CHD5: variants seen among roughly 807,000 people sequenced by gnomAD.
The protein encoded by CHD5 is chromodomain helicase DNA binding protein 5.
CHD5 carries 69 observed loss-of-function variants against 230.3 expected under a neutral mutation model. The ratio of observed to expected loss-of-function variants is 0.30; its 90% confidence interval spans 0.25 to 0.37. The LOEUF (loss-of-function observed/expected upper bound fraction) is 0.37, where lower values mean the gene tolerates loss of function less well. Among genes scored for constraint, CHD5 ranks in the 10% least tolerant of loss-of-function variants. CHD5 has a pLI of 1.00. For synonymous variants in CHD5, 1,064 were observed against 1,065.9 expected (o/e 1.00, Z 0.03); for missense variants, 1,827 against 2,622.8 (o/e 0.70, Z 6.63).
Position 6,159,406 on chromosome 1 carries a change from T to C in CHD5, c.317A>G (p.Lys106Arg). Residue 106 changes from lysine to arginine, a missense_variant, in exon 3 of 42, where the codon AAG (lysine) becomes AGG (arginine). Coordinates refer to ENST00000262450, the MANE Select transcript of CHD5 (RefSeq NM_015557.3). ...NKKKKKKLKDKKEKKAKRKKK... is the reference protein window; with the variant it reads ...NKKKKKKLKDRKEKKAKRKKK... ...TTTTCGCTTGGCTTTTTTCTCCTTC[T>C]TGTCCTTGAGTTTCTTCTTCTTCTT... 6.4e-7 allele frequency: 1 copy of C among 1,556,522 alleles called. No individual in the cohort carries two copies. The highest frequency in any genetic ancestry group is 8.7e-7 in the Non-Finnish European group (1 of 1,148,494).
chr1:6,127,697 C>T (rs1666582686), intron 25 of CHD5, among the ~76,000 whole-genome samples: 1 of 152,154 alleles, frequency 6.6e-6, no homozygotes. Flanking sequence ...GATGACGCCA[C>T]GGAGCAGGCG....
At chr1:6,153,524 C>T (rs762286743) in intron 5 of CHD5, among the ~76,000 whole-genome samples, 1 of 152,170 alleles carries the variant, frequency 6.6e-6, no homozygotes, top group Non-Finnish European at 1.5e-5. Context: ...GCCCCCTCAG[C>T]CCCTTCCATC....
intron 38 of CHD5, among the ~76,000 whole-genome samples, chr1:6,107,542 G>GAGAGATAAAGGATGT (rs1557534272): frequency 1.9e-5 from 1 of 53,194 alleles, no homozygotes; most frequent in African/African-American, 7.3e-5. Flanking sequence ...TGGAGGGATG[G>GAGAGATAAAGGATGT]AGGGATAATG....
chr1:6,151,160 A>C lies in CHD5; in HGVS notation c.871-5T>G, dbSNP rs1173327456. ...CTCCCTCTCATCTTCTTCACTCTGC[A>C]GGGGAAGACAGGGTCCTGTGATCCC... is the stretch of plus-strand genomic sequence containing the variant. On this transcript the variant is annotated splice_polypyrimidine_tract_variant and splice_region_variant and intron_variant, in intron 6 of 41. Transcript: ENST00000262450. 1 of 1,601,822 alleles carries C rather than the reference A, an allele frequency of 6.2e-7. No homozygotes were observed. Among genetic ancestry groups the C allele is most frequent in the African/African-American group, 1.3e-5 (1 of 74,666 alleles).
chr1:6,178,544 AGAGTTCCCCTCCG>A (rs1325681723), intron 1 of CHD5, among the ~76,000 whole-genome samples: 1 of 151,990 alleles, frequency 6.6e-6, no homozygotes, highest in African/African-American at 2.4e-5. Flanking sequence ...GCGGGGCCTC[AGAGTTCCCCTCCG>A]GAGAATGGGT....
chr1:6,149,192 G>C, intron 8 of CHD5, 54 bp downstream of exon 8: 3 of 1,510,134 alleles, frequency 2.0e-6, no homozygotes, highest in Non-Finnish European at 2.7e-6. Context: ...GGGCACAGGG[G>C]TGGGGGAGCC....
At chr1:6,163,031 C>T (rs898424930) in intron 2 of CHD5, among the ~76,000 whole-genome samples, 2 of 152,212 alleles carry the variant, frequency 1.3e-5, no homozygotes, top group African/African-American at 4.8e-5. Context: ...AGCAGCAGCG[C>T]ATGCCACCTT....
chr1:6,149,162 C>G (rs890547230), intron 8 of CHD5, 84 bp downstream of exon 8: 7 of 1,470,758 alleles, frequency 4.8e-6, no homozygotes, highest in Non-Finnish European at 4.5e-6. Flanking sequence ...AGCATCTCCC[C>G]GCATTCTGCC....
At chr1:6,175,366 G>A (rs1405655916) in intron 1 of CHD5, among the ~76,000 whole-genome samples, 1 of 119,378 alleles carries the variant, frequency 8.4e-6, no homozygotes, top group Non-Finnish European at 1.6e-5. Context: ...GTGGATGGAT[G>A]CATGGATGGA....
In CHD5 at chr1:6,128,620, G is replaced by C. The variant is rs763908366; in HGVS notation, c.3620-11C>G. On this transcript the variant is annotated splice_polypyrimidine_tract_variant and intron_variant, in intron 23 of 41. Transcript: ENST00000262450. This position sits in a 1 kb window ranked among gnomAD's most constrained non-coding sequence, Gnocchi z 7.8. ...CCTGAGACATCATGCCTGTCAGACA[G>C]AGAAGGAAAGCACTGGTGCAGGACC... 6.2e-7 allele frequency: 1 copy of C among 1,602,090 alleles called. No individual in the cohort carries two copies. Among genetic ancestry groups the C allele is most frequent in the Non-Finnish European group, 8.6e-7 (1 of 1,169,510 alleles).
At chr1:6,124,784 A>C (rs1666527843) in intron 29 of CHD5, 123 bp from the exon 30 acceptor site, 3 of 722,174 alleles carry the variant, frequency 4.2e-6, no homozygotes, top group Non-Finnish European at 6.8e-6. Flanking sequence ...CCTCCTAGTC[A>C]GGCCTGGGCC....
rs138425478 is a variant in CHD5 at position 6,135,999 on chromosome 1, G to A, written c.2696+518C>T. ...CACTCTGGCCTGGGTGACAGAGTGA[G>A]ACTCTTTCTTTTAATAAAAAAAAAC... On this transcript the variant is annotated intron_variant, in intron 17 of 41. Transcript: ENST00000262450. Among the ~76,000 whole-genome samples the A allele has an allele frequency of 4.6e-4, 68 of 148,294 alleles. No individual in the cohort carries two copies. The East Asian group carries it at 0.014, about 30-fold the overall frequency.
chr1:6,165,043 G>C (rs1449814356), intron 2 of CHD5, among the ~76,000 whole-genome samples: 4 of 152,066 alleles, frequency 2.6e-5, no homozygotes, highest in African/African-American at 7.2e-5. Context: ...GAGAGATAAG[G>C]ACCTGGACAA....
At chr1:6,149,147 C>A (rs1459108778) in intron 8 of CHD5, 72 bp from the exon 9 acceptor site, 4 of 1,468,672 alleles carry the variant, frequency 2.7e-6, no homozygotes, top group Non-Finnish European at 3.6e-6. Context: ...CCCTCCCTCC[C>A]CTACAGCATC....
At chr1:6,116,773 A>G in intron 33 of CHD5, among the ~76,000 whole-genome samples, 1 of 152,278 alleles carries the variant, frequency 6.6e-6, no homozygotes, top group Non-Finnish European at 1.5e-5. Flanking sequence ...TCCCAAAAAA[A>G]TTGCTGAAAG....
In CHD5 at chr1:6,130,014, G is replaced by A. The variant is rs1477703566; in HGVS notation, c.3387+190C>T. The A allele has an allele frequency of 3.0e-6, 2 of 656,362 alleles. No individual in the cohort carries two copies. The highest frequency in any genetic ancestry group is 5.3e-6 in the Non-Finnish European group (2 of 378,886). The allele number at this position is 656,362 out of a possible 1,614,324, so 40.7% of individuals were successfully genotyped here. A position where few individuals can be genotyped will look rare whatever the true frequency, so the allele number is the denominator to read the frequency against. ...TCCTCCTCTGGACAAGGACAGAGCT[G>A]GAGGGATGGGGGCCAAGCTTCCACT... On this transcript the variant is annotated intron_variant, in intron 22 of 41. Transcript: ENST00000262450. This position sits in a 1 kb window ranked among gnomAD's most constrained non-coding sequence, Gnocchi z 4.9.
Position 6,125,702 on chromosome 1 carries a change from TGCTGCCATCA to T in CHD5, c.4171+54_4171+63del. 1.3e-6 allele frequency: 2 copies of T among 1,590,480 alleles called. No individual in the cohort carries two copies. Among genetic ancestry groups the T allele is most frequent in the Non-Finnish European group, 1.7e-6 (2 of 1,158,702 alleles). ...CGGGACCCCAGACCAGCCCCGCTCCTGCTGCCATCAGCTCCCCTGACATGGCCTCAGCAGT... is the reference window on the plus strand; with the variant it reads ...CGGGACCCCAGACCAGCCCCGCTCCTGCTCCCCTGACATGGCCTCAGCAGT... On this transcript the variant is annotated intron_variant, in intron 27 of 41. Transcript: ENST00000262450. The surrounding 1 kb of genome is among the most constrained non-coding windows in gnomAD (Gnocchi z 6.7).
At position 6,103,709 on chromosome 1, in the gene CHD5, C is replaced by A. The variant is rs762276939; in HGVS notation, c.*1765G>T. 1 of 152,296 alleles carries A rather than the reference C, an allele frequency of 6.6e-6. No homozygotes were observed. The highest frequency in any genetic ancestry group is 2.4e-5 in the African/African-American group (1 of 41,454). 9.4% of individuals were successfully genotyped at this position (152,296 alleles called of 1,614,324 possible). A position where few individuals can be genotyped will look rare whatever the true frequency, so the allele number is the denominator to read the frequency against. On this transcript the variant is annotated 3_prime_UTR_variant, in exon 42 of 42. Coordinates refer to ENST00000262450, the MANE Select transcript of CHD5 (RefSeq NM_015557.3). ...TCCAGGGTGCTCCCCACTACGCCCA[C>A]GTGCAGTGTCAGGGTCGGGCTGGCC...
In CHD5 at chr1:6,110,262, T is replaced by A. The variant is rs534331068; in HGVS notation, c.5382+132A>T. On this transcript the variant is annotated intron_variant, in intron 37 of 41. Coordinates refer to ENST00000262450, the MANE Select transcript of CHD5 (RefSeq NM_015557.3). ...CACCACTGTTAGTTGATGGACATAC[T>A]GCTGCTTCGTGGCAGCGTGACCCAG... 134 of 1,062,020 alleles carry A rather than the reference T, an allele frequency of 1.3e-4. 2 individuals carry two copies. The South Asian group carries it at 1.7e-3, about 14-fold the overall frequency. The allele number at this position is 1,062,020 out of a possible 1,614,324, so 65.8% of individuals were successfully genotyped here.
Sources: gnomAD v4.1 joint callset for allele counts (sites outside exome capture counted in the v4.1 genomes callset) on GRCh38, gnomAD v4.1.1 for gene constraint, Gnocchi (gnomAD v3.1) non-coding constraint, MANE v1.5 for transcripts, NCBI Gene and HGNC (gene_info 2026-07-23, HGNC 2026-07-21) for gene names.